Variants in NR3C2 observed in about 807,000 individuals in gnomAD.
The protein encoded by NR3C2 is mineralocorticoid receptor.
A neutral mutation model predicts 86.4 loss-of-function variants in NR3C2; 15 were observed. The observed-to-expected ratio is 0.17, with a 90% confidence interval of 0.12 to 0.27. The LOEUF (loss-of-function observed/expected upper bound fraction) is 0.27. Ranked by LOEUF, NR3C2 falls within the 10% of genes least tolerant of loss-of-function variation. The pLI, the probability that NR3C2 is intolerant of heterozygous loss-of-function variation, is 1.00. For synonymous variants in NR3C2, 458 were observed against 450.5 expected, an observed-to-expected ratio of 1.02 and a Z score of -0.21; for missense variants, 960 against 1,195.6, an observed-to-expected ratio of 0.80 and a Z score of 2.91.
At chr4:148,318,130 G>T (rs1336456348) in intron 2 of NR3C2, among the ~76,000 whole-genome samples, 1 of 150,290 alleles carries the variant, frequency 6.7e-6, no homozygotes, top group Non-Finnish European at 1.5e-5. Context: ...GCGGTGTTTG[G>T]TTTTTTGTTC....
chr4:148,316,208 T>TAC (rs61539000), intron 2 of NR3C2, among the ~76,000 whole-genome samples: 1 of 152,090 alleles, frequency 6.6e-6, no homozygotes, highest in East Asian at 1.9e-4. Context: ...AATGTGTTAG[T>TAC]ACACACACAT....
chr4:148,438,596 C>G lies in NR3C2; in HGVS notation c.-2-1734G>C, dbSNP rs796582877. On this transcript the variant is annotated intron_variant, in intron 1 of 8. Transcript: ENST00000358102. ...TCACTATCTCCACCCTGCCTACCTT[C>G]CCTTCATTTAAAAAAAAACAAAAAA... is the stretch of plus-strand genomic sequence containing the variant. Among the ~76,000 whole-genome samples, 3 of 152,032 alleles carry G rather than the reference C, an allele frequency of 2.0e-5. No individual in the cohort carries two copies. The South Asian group carries it at 6.2e-4, about 32-fold the overall frequency.
At chr4:148,175,868 T>G (rs554150730) in intron 4 of NR3C2, among the ~76,000 whole-genome samples, 1 of 152,232 alleles carries the variant, frequency 6.6e-6, no homozygotes, top group East Asian at 1.9e-4. Context: ...GCCAGGCATG[T>G]GCCTGTAGTC....
intron 2 of NR3C2, among the ~76,000 whole-genome samples, chr4:148,294,841 A>G (rs1741969220): frequency 6.6e-6 from 1 of 152,018 alleles, no homozygotes; most frequent in African/African-American, 2.4e-5. Context: ...ATAAAAAGTC[A>G]GCAGGGTGTG....
chr4:148,389,891 A>G (rs140773871), intron 2 of NR3C2, among the ~76,000 whole-genome samples: 84 of 152,292 alleles, frequency 5.5e-4, no homozygotes, highest in Non-Finnish European at 9.0e-4. Context: ...ATTCTAGAGA[A>G]CATCAGACTA....
At chr4:148,120,420 A>G in intron 6 of NR3C2, 132 bp from the exon 7 acceptor site, 2 of 1,059,442 alleles carry the variant, frequency 1.9e-6, no homozygotes, top group Non-Finnish European at 1.4e-6. Context: ...GCAGATGTGT[A>G]TTTTAAAGAC....
At chr4:148,421,781 G>T (rs908329759) in intron 2 of NR3C2, among the ~76,000 whole-genome samples, 3 of 152,092 alleles carry the variant, frequency 2.0e-5, no homozygotes, top group African/African-American at 7.2e-5. Context: ...TCAGCATTAT[G>T]AAATCACAGA....
At chr4:148,357,329 C>A (rs1020895388) in intron 2 of NR3C2, among the ~76,000 whole-genome samples, 4 of 152,116 alleles carry the variant, frequency 2.6e-5, no homozygotes, top group African/African-American at 9.7e-5. Context: ...AAGACAAACT[C>A]ATTTATTCTA....
intron 4 of NR3C2, among the ~76,000 whole-genome samples, chr4:148,158,193 C>T (rs1035516576): frequency 2.0e-5 from 3 of 152,118 alleles, no homozygotes; most frequent in Non-Finnish European, 4.4e-5. Context: ...CAGATACTTC[C>T]GATGAATGGA....
chr4:148,109,656 G>A (rs1207902846), intron 8 of NR3C2, among the ~76,000 whole-genome samples: 4 of 152,160 alleles, frequency 2.6e-5, no homozygotes, highest in Non-Finnish European at 4.4e-5. Context: ...TGTATGTCCC[G>A]AAAGTTGTGT....
intron 2 of NR3C2, among the ~76,000 whole-genome samples, chr4:148,300,485 T>TTTAAAAGGCC (rs1160599283): frequency 1.3e-5 from 2 of 152,202 alleles, no homozygotes; most frequent in Admixed American, 1.3e-4. Flanking sequence ...TATAGGTATA[T>TTTAAAAGGCC]TTAAAAGGCC....
chr4:148,161,032 T>A (rs753332968), intron 4 of NR3C2, among the ~76,000 whole-genome samples: 6 of 152,172 alleles, frequency 3.9e-5, no homozygotes, highest in Admixed American at 6.5e-5. Context: ...TTTGCACTAA[T>A]AGGAAAAAGA....
chr4:148,262,680 T>C (rs964284093), intron 2 of NR3C2, among the ~76,000 whole-genome samples: 7 of 152,164 alleles, frequency 4.6e-5, no homozygotes, highest in Admixed American at 3.9e-4. Context: ...GATGAGGTCA[T>C]ACTGGAATAG....
chr4:148,436,666 T>C lies in NR3C2; in HGVS notation c.195A>G (p.Lys65=). ...GGCAAGGGAGTAGTTCTTGTTTTTC[T>C]TTGCTGCTTCCTTGAGTACTGTTGT... ...IPNNSTQGSS[K]EKQELLPCLQ... is the part of the protein sequence containing the mutation. The change falls in exon 2 of 9, where the codon AAA becomes AAG. Residue 65 remains lysine, a synonymous_variant. Transcript: ENST00000358102. The C allele has an allele frequency of 6.2e-7, 1 of 1,614,224 alleles. No homozygotes were observed. Among genetic ancestry groups the C allele is most frequent in the African/African-American group, 1.3e-5 (1 of 75,062 alleles).
At chr4:148,345,581 A>C (rs1744949774) in intron 2 of NR3C2, among the ~76,000 whole-genome samples, 1 of 152,040 alleles carries the variant, frequency 6.6e-6, no homozygotes, top group Non-Finnish European at 1.5e-5. Flanking sequence ...ATTTCTATGT[A>C]TAATGAAACA....
chr4:148,162,105 G>C (rs1328768234), intron 4 of NR3C2, among the ~76,000 whole-genome samples: 1 of 152,126 alleles, frequency 6.6e-6, no homozygotes, highest in Non-Finnish European at 1.5e-5. Flanking sequence ...CCACCTAAGA[G>C]GAAAGTCCCT....
chr4:148,310,263 G>A (rs1352946842), intron 2 of NR3C2, among the ~76,000 whole-genome samples: 1 of 152,046 alleles, frequency 6.6e-6, no homozygotes, highest in African/African-American at 2.4e-5. Context: ...TACTTTCCCA[G>A]CAAAATCCCA....
At chr4:148,284,150 T>G (rs529406473) in intron 2 of NR3C2, among the ~76,000 whole-genome samples, 4 of 152,226 alleles carry the variant, frequency 2.6e-5, no homozygotes, top group African/African-American at 9.6e-5. Flanking sequence ...TTCCTCTGGG[T>G]TATGTAGAGC....
chr4:148,319,905 C>A (rs931447627), intron 2 of NR3C2, among the ~76,000 whole-genome samples: 25 of 142,216 alleles, frequency 1.8e-4, no homozygotes, highest in Admixed American at 4.2e-4. Context: ...CCAGAACTTC[C>A]AACACTATGT....
Sources: gnomAD v4.1 joint callset for allele counts (sites outside exome capture counted in the v4.1 genomes callset) on GRCh38, gnomAD v4.1.1 for gene constraint, MANE v1.5 for transcripts, NCBI Gene and HGNC (gene_info 2026-07-23, HGNC 2026-07-21) for gene names.